The following MAP7 variants were observed in gnomAD, a reference collection of about 807,000 sequenced individuals.
MAP7 encodes ensconsin.
In MAP7, 52 loss-of-function variants were observed where a neutral mutation model predicts 94.8. The observed-to-expected ratio is 0.55, with a 90% CI of 0.44 to 0.69. The LOEUF (loss-of-function observed/expected upper bound fraction) is 0.69, where lower values mean the gene tolerates loss of function less well. Among genes scored for constraint, MAP7 ranks in the 30% least tolerant of loss-of-function variants. MAP7 has a pLI of 0.00. For missense variants in MAP7, 940 were observed against 964.6 expected, an observed-to-expected ratio of 0.97 and a Z score of 0.34; for synonymous variants, 350 against 357.0, an observed-to-expected ratio of 0.98 and a Z score of 0.22.
At position 136,436,284 on chromosome 6, in the gene MAP7, C is replaced by A. The variant is rs116738109; in HGVS notation, c.68-14485G>T. Among the ~76,000 whole-genome samples the A allele has an allele frequency of 4.9e-3, 750 of 152,158 alleles. 7 individuals carry two copies. Among genetic ancestry groups the A allele is most frequent in the African/African-American group, 0.017 (719 of 41,520 alleles). On this transcript the variant is annotated intron_variant, in intron 1 of 17. Transcript: ENST00000354570. ...ATTTTCTCTAGGCAAGATTTTCTGG[C>A]AGGCTAAACTTGACTTTGTAACAAA...
At chr6:136,448,415 ATT>A (rs755365926) in intron 1 of MAP7, among the ~76,000 whole-genome samples, 2 of 141,320 alleles carry the variant, frequency 1.4e-5, no homozygotes, top group Admixed American at 7.2e-5. Flanking sequence ...AATGACTACG[ATT>A]TTTTTTTTTT....
chr6:136,477,242 G>A (rs542849100), intron 1 of MAP7, among the ~76,000 whole-genome samples: 7 of 152,236 alleles, frequency 4.6e-5, no homozygotes, highest in East Asian at 1.9e-4. Flanking sequence ...GCATTCAGGC[G>A]AAAAATATAT....
chr6:136,486,687 G>T lies in MAP7; in HGVS notation c.67+63655C>A, dbSNP rs558606729. Among the ~76,000 whole-genome samples, 6 of 152,214 alleles carry T rather than the reference G, an allele frequency of 3.9e-5. No individual in the cohort carries two copies. The East Asian group carries it at 1.2e-3, about 29-fold the overall frequency. ...GTTATGCCCCAGAGCTCAGACCTTA[G>T]GGTTCATTGGGTCTTGTGAATTTAC... On this transcript the variant is annotated intron_variant, in intron 1 of 17. Transcript: ENST00000354570.
In MAP7 at chr6:136,359,985, T is replaced by C. The variant is rs751434344; in HGVS notation, c.1850A>G (p.Asp617Gly). 1.9e-6 allele frequency: 3 copies of C among 1,613,500 alleles called. No homozygotes were observed. The highest frequency in any genetic ancestry group is 1.1e-5 in the South Asian group (1 of 90,832). ...MKRTRRTEAT[D>G]KKTSDQRNGD... is the part of the protein sequence containing the mutation. ...AGAAAACGGCCATGTCAATACCTTA[T>C]CTGTAGCTTCTGTTCTCCTGGTTCT... The change falls in exon 14 of 18, where the codon GAT becomes GGT. Residue 617 changes from aspartate (D) to glycine (G), a missense_variant. Transcript: ENST00000354570.
chr6:136,420,130 A>T, intron 2 of MAP7: 1 of 872,794 alleles, frequency 1.1e-6, no homozygotes, highest in Non-Finnish European at 2.0e-6. Context: ...ACAATCTTTA[A>T]TCAAAGAAGA....
chr6:136,481,751 TAA>T, intron 1 of MAP7, among the ~76,000 whole-genome samples: 1 of 152,160 alleles, frequency 6.6e-6, no homozygotes. Flanking sequence ...TAAAAATAAC[TAA>T]AAGAGTATAA....
chr6:136,518,907 A>G (rs934468981), intron 1 of MAP7, among the ~76,000 whole-genome samples: 2 of 152,214 alleles, frequency 1.3e-5, no homozygotes, highest in Non-Finnish European at 2.9e-5. Context: ...TCCATCAATT[A>G]TAGCTCTGGA....
intron 1 of MAP7, among the ~76,000 whole-genome samples, chr6:136,514,076 T>G (rs1381617552): frequency 1.3e-5 from 2 of 152,130 alleles, no homozygotes; most frequent in African/African-American, 4.8e-5. Flanking sequence ...CCTCCCTCCA[T>G]GCATCATAAA....
intron 1 of MAP7, among the ~76,000 whole-genome samples, chr6:136,429,733 A>AC (rs1453369438): frequency 2.0e-5 from 3 of 152,224 alleles, no homozygotes; most frequent in Admixed American, 6.5e-5. Context: ...TAAACATTAC[A>AC]CACTTTAAAT....
chr6:136,541,888 C>T, intron 1 of MAP7, among the ~76,000 whole-genome samples: 1 of 152,008 alleles, frequency 6.6e-6, no homozygotes, highest in Non-Finnish European at 1.5e-5. Context: ...GCAAAACCCC[C>T]TCTCTACTAA....
At chr6:136,413,248 G>C (rs1010497777) in intron 2 of MAP7, among the ~76,000 whole-genome samples, 1 of 152,192 alleles carries the variant, frequency 6.6e-6, no homozygotes, top group Non-Finnish European at 1.5e-5. Flanking sequence ...GTAGAGACAA[G>C]CTGGGTGCAG....
chr6:136,447,884 C>T (rs1018718854), intron 1 of MAP7, among the ~76,000 whole-genome samples: 1 of 152,118 alleles, frequency 6.6e-6, no homozygotes, highest in African/African-American at 2.4e-5. Flanking sequence ...GCAGTTTGGC[C>T]AAACAGCTTC....
chr6:136,424,654 T>A (rs536279045), intron 1 of MAP7, among the ~76,000 whole-genome samples: 2 of 152,348 alleles, frequency 1.3e-5, no homozygotes, highest in South Asian at 4.1e-4. Flanking sequence ...CCTTCCAACG[T>A]CTTCCCACAA....
intron 1 of MAP7, among the ~76,000 whole-genome samples, chr6:136,444,811 G>A (rs1425131521): frequency 6.6e-6 from 1 of 152,182 alleles, no homozygotes; most frequent in Non-Finnish European, 1.5e-5. Context: ...GGTGCTTCAA[G>A]CTTTTTTAAA....
intron 1 of MAP7, chr6:136,466,995 C>T (rs935592189): frequency 1.8e-5 from 19 of 1,068,540 alleles, no homozygotes; most frequent in Admixed American, 3.4e-5. Flanking sequence ...AAACAGTAAC[C>T]GTGTTCACTG....
intron 1 of MAP7, among the ~76,000 whole-genome samples, chr6:136,490,984 CTT>C (rs567334155): frequency 2.0e-5 from 3 of 152,150 alleles, no homozygotes; most frequent in Non-Finnish European, 4.4e-5. Flanking sequence ...GCTGCAAAGA[CTT>C]TGGCATTACT....
chr6:136,532,441 A>C (rs551029622), intron 1 of MAP7, among the ~76,000 whole-genome samples: 28 of 152,218 alleles, frequency 1.8e-4, no homozygotes, highest in African/African-American at 6.8e-4. Context: ...TTAAAGGTTA[A>C]CATATGGAAG....
chr6:136,400,557 C>CA (rs1783793634), intron 3 of MAP7, among the ~76,000 whole-genome samples: 1 of 151,542 alleles, frequency 6.6e-6, no homozygotes, highest in African/African-American at 2.4e-5. Flanking sequence ...AAAACTAAAA[C>CA]AAAGCGTCAA....
chr6:136,526,418 C>T, intron 1 of MAP7: 3 of 988,468 alleles, frequency 3.0e-6, no homozygotes, highest in Non-Finnish European at 3.6e-6. Flanking sequence ...AATCTTCTTC[C>T]TGCTACCACA....
Sources: allele counts gnomAD v4.1 joint callset (sites outside exome capture counted in the v4.1 genomes callset), GRCh38; gene constraint gnomAD v4.1.1; transcripts MANE v1.5; gene names NCBI Gene and HGNC (gene_info 2026-07-23, HGNC 2026-07-21).